The following MTHFD1L variants were observed in gnomAD, a reference collection of about 807,000 sequenced individuals.
MTHFD1L encodes the protein methylenetetrahydrofolate dehydrogenase (NADP+ dependent) 1 like, also known as monofunctional C1-tetrahydrofolate synthase, mitochondrial.
In MTHFD1L, 81 loss-of-function variants were observed where a neutral mutation model predicts 119.5. The ratio of observed to expected loss-of-function variants is 0.68; its 90% CI spans 0.57 to 0.82. The LOEUF (loss-of-function observed/expected upper bound fraction) is 0.82, where lower values mean the gene tolerates loss of function less well. Ranked by LOEUF, MTHFD1L falls within the 40% of genes least tolerant of loss-of-function variation. The probability of loss-of-function intolerance (pLI) is 0.00; values close to 1 mark genes in which losing one functional copy is unlikely to be tolerated. For synonymous variants in MTHFD1L, 430 were observed against 475.2 expected (o/e 0.90, Z 1.24); for missense variants, 1,125 against 1,253.4 (o/e 0.90, Z 1.55).
rs559349790 is a variant in MTHFD1L, at chr6:150,925,160, C to T, written c.1083-962C>T. On this transcript the variant is annotated intron_variant, in intron 10 of 27. Coordinates refer to ENST00000367321, the MANE Select transcript of MTHFD1L (RefSeq NM_015440.5). ...CCACTGAGGGGGTTGATCTGCCCAC[C>T]GCAAGGAGGCAGACCACAACAAAAA... is the stretch of plus-strand genomic sequence containing the variant. Among the ~76,000 whole-genome samples the T allele has an allele frequency of 1.4e-4, 22 of 152,228 alleles. 1 individual carries two copies. In the East Asian group the frequency reaches 2.9e-3, roughly 20 times the overall value.
chr6:150,902,214 A>G (rs910267963), intron 7 of MTHFD1L, among the ~76,000 whole-genome samples: 1 of 152,172 alleles, frequency 6.6e-6, no homozygotes, highest in Non-Finnish European at 1.5e-5. Flanking sequence ...TTATATTCAG[A>G]TGCTTGTCCC....
At chr6:151,061,042 G>C (rs1011545938) in intron 26 of MTHFD1L, among the ~76,000 whole-genome samples, 1 of 152,184 alleles carries the variant, frequency 6.6e-6, no homozygotes, top group South Asian at 2.1e-4. Context: ...GCGGGGAAGA[G>C]GGAATGCAGA....
chr6:150,978,453 G>A (rs1562486427), intron 20 of MTHFD1L, among the ~76,000 whole-genome samples: 2 of 152,314 alleles, frequency 1.3e-5, no homozygotes, highest in South Asian at 2.1e-4. Flanking sequence ...GTGTTCCCCA[G>A]GTGCTTCCTG....
chr6:150,869,402 C>A (rs532151427), intron 1 of MTHFD1L, among the ~76,000 whole-genome samples: 2 of 152,244 alleles, frequency 1.3e-5, no homozygotes, highest in South Asian at 4.1e-4. Flanking sequence ...TGTTCAACTC[C>A]CACTTATGAG....
At chr6:151,013,896 C>T in intron 22 of MTHFD1L, 76 bp downstream of exon 22, 2 of 1,277,808 alleles carry the variant, frequency 1.6e-6, no homozygotes, top group Non-Finnish European at 2.2e-6. Context: ...GTGAATGAGC[C>T]CTCCTTCAGT....
intron 26 of MTHFD1L, among the ~76,000 whole-genome samples, chr6:151,089,903 T>G (rs1794222167): frequency 6.6e-6 from 1 of 152,224 alleles, no homozygotes; most frequent in Admixed American, 6.5e-5. Context: ...TTTTAACATA[T>G]AGCAAGTCCC....
At chr6:151,066,072 T>G (rs1057090964) in intron 26 of MTHFD1L, among the ~76,000 whole-genome samples, 3 of 152,230 alleles carry the variant, frequency 2.0e-5, no homozygotes, top group African/African-American at 7.2e-5. Context: ...ATTTTCTTCA[T>G]CAAAAGTGAT....
intron 27 of MTHFD1L, among the ~76,000 whole-genome samples, chr6:151,095,172 A>G (rs573578201): frequency 6.6e-6 from 1 of 152,360 alleles, no homozygotes; most frequent in African/African-American, 2.4e-5. Context: ...AAAACTCTAG[A>G]AAATGAAGTA....
intron 1 of MTHFD1L, among the ~76,000 whole-genome samples, chr6:150,871,152 A>G (rs1779421411): frequency 6.9e-6 from 1 of 145,782 alleles, no homozygotes; most frequent in Non-Finnish European, 1.5e-5. Context: ...ATAAGGTAAT[A>G]TATATATACA....
chr6:150,889,593 A>G (rs933473718), intron 7 of MTHFD1L, among the ~76,000 whole-genome samples: 2 of 152,236 alleles, frequency 1.3e-5, no homozygotes, highest in African/African-American at 4.8e-5. Context: ...GACAAAGACA[A>G]TCTGTTAGAA....
chr6:150,929,570 A>G (rs184720002), intron 11 of MTHFD1L, among the ~76,000 whole-genome samples: 2 of 152,358 alleles, frequency 1.3e-5, no homozygotes, highest in East Asian at 3.9e-4. Context: ...TTACTTGTAA[A>G]CAAAGCTGGG....
intron 26 of MTHFD1L, among the ~76,000 whole-genome samples, chr6:151,064,789 GT>G (rs63491461): frequency 0.033 from 4,887 of 147,862 alleles, 162 homozygotes; most frequent in Admixed American, 0.1. Context: ...TTCTTTTTTT[GT>G]TTTTTTTTTG....
At chr6:151,088,753 G>A (rs913484268) in intron 26 of MTHFD1L, among the ~76,000 whole-genome samples, 4 of 151,630 alleles carry the variant, frequency 2.6e-5, no homozygotes, top group African/African-American at 7.3e-5. Flanking sequence ...CACTGCGCCC[G>A]GCCTGGCCAG....
At chr6:150,918,474 G>A in intron 8 of MTHFD1L, 103 bp from the exon 9 acceptor site, 1 of 854,706 alleles carries the variant, frequency 1.2e-6, no homozygotes, top group Non-Finnish European at 2.0e-6. Flanking sequence ...CTTCCTTGGT[G>A]AAAAATGAGA....
intron 8 of MTHFD1L, among the ~76,000 whole-genome samples, chr6:150,907,897 A>ATTT (rs11442424): frequency 1.4e-5 from 2 of 140,870 alleles, no homozygotes; most frequent in African/African-American, 2.7e-5. Flanking sequence ...GCTCTGTGAA[A>ATTT]TTTTTTTTTT....
intron 12 of MTHFD1L, 33 bp from the exon 13 acceptor site, chr6:150,938,666 C>T (rs760528561): frequency 6.6e-5 from 105 of 1,599,490 alleles, no homozygotes; most frequent in Non-Finnish European, 8.0e-5. Flanking sequence ...TACTTGGTGA[C>T]CCGTTTGAAA....
chr6:151,096,252 G>A (rs551482142), intron 27 of MTHFD1L, among the ~76,000 whole-genome samples: 72 of 152,242 alleles, frequency 4.7e-4, no homozygotes, highest in African/African-American at 1.6e-3. Flanking sequence ...GTATAATAGA[G>A]CCAGCTCTTT....
chr6:150,996,076 T>A (rs901308870), intron 20 of MTHFD1L, among the ~76,000 whole-genome samples: 2 of 152,242 alleles, frequency 1.3e-5, no homozygotes, highest in African/African-American at 4.8e-5. Flanking sequence ...GTTTGAGGTT[T>A]TATCAAATGT....
Position 150,995,514 on chromosome 6 carries a change from CAAA to C in MTHFD1L, c.2126-14290_2126-14288del, listed in dbSNP as rs71737990. Among the ~76,000 whole-genome samples the C allele has an allele frequency of 2.1e-3, 243 of 114,898 alleles. 1 individual carries two copies. The highest frequency in any genetic ancestry group is 5.6e-3 in the African/African-American group (184 of 32,960). 75.4% of individuals were successfully genotyped at this position (114,898 alleles called of 152,430 possible). A position where few individuals can be genotyped will look rare whatever the true frequency, so the allele number is the denominator to read the frequency against. ...GGGCAACAAGAGCGAAACTCCGTCT[CAAA>C]AAAAAAAAAAAAAATGCTTACCGGG... is the stretch of plus-strand genomic sequence containing the variant. On this transcript the variant is annotated intron_variant, in intron 20 of 27. Coordinates refer to ENST00000367321, the MANE Select transcript of MTHFD1L (RefSeq NM_015440.5).
Sources: gnomAD v4.1 joint callset for allele counts (sites outside exome capture counted in the v4.1 genomes callset) on GRCh38, gnomAD v4.1.1 for gene constraint, MANE v1.5 for transcripts, NCBI Gene and HGNC (gene_info 2026-07-23, HGNC 2026-07-21) for gene names.